The following MIPOL1 variants were observed in gnomAD, a reference collection of about 807,000 sequenced individuals.
MIPOL1 encodes the protein mirror-image polydactyly gene 1 protein.
In MIPOL1, 57 loss-of-function variants were observed where a neutral mutation model predicts 60.9. The observed-to-expected ratio is 0.94, with a 90% CI of 0.76 to 1.17. MIPOL1 has a LOEUF of 1.17. MIPOL1 is among the 50% of genes most tolerant of loss of function. MIPOL1 has a pLI of 0.00. For missense variants in MIPOL1, 551 were observed against 511.6 expected (o/e 1.08, Z -0.74); for synonymous variants, 179 against 168.8 (o/e 1.06, Z -0.47).
At chr14:37,539,053 T>A (rs1031664365) in intron 12 of MIPOL1, among the ~76,000 whole-genome samples, 2 of 151,878 alleles carry the variant, frequency 1.3e-5, no homozygotes, top group African/African-American at 4.8e-5. Context: ...ATACAAAAAA[T>A]TAGCCGGGTG....
intron 7 of MIPOL1, among the ~76,000 whole-genome samples, chr14:37,289,947 G>A (rs2084915550): frequency 6.6e-6 from 1 of 152,172 alleles, no homozygotes; most frequent in African/African-American, 2.4e-5. Context: ...AGGGGTGGAA[G>A]GGTGGAATGA....
chr14:37,225,838 C>G (rs935236231), intron 1 of MIPOL1, among the ~76,000 whole-genome samples: 3 of 152,146 alleles, frequency 2.0e-5, no homozygotes, highest in Non-Finnish European at 4.4e-5. Context: ...TGCTCTGCTT[C>G]CCTTATAAAA....
intron 10 of MIPOL1, among the ~76,000 whole-genome samples, chr14:37,419,265 G>C (rs938123851): frequency 2.0e-5 from 3 of 152,192 alleles, no homozygotes; most frequent in African/African-American, 7.2e-5. Context: ...CATACTGTGT[G>C]ATTCTATTTA....
At chr14:37,293,822 T>G (rs1367257162) in intron 7 of MIPOL1, among the ~76,000 whole-genome samples, 4 of 152,180 alleles carry the variant, frequency 2.6e-5, no homozygotes, top group Non-Finnish European at 4.4e-5. Context: ...AAGCTCGAAC[T>G]GGGTGGGGCC....
chr14:37,418,739 G>C (rs144445466), intron 10 of MIPOL1, among the ~76,000 whole-genome samples: 5 of 152,082 alleles, frequency 3.3e-5, no homozygotes, highest in African/African-American at 1.2e-4. Context: ...CTCATAGGTT[G>C]GTTATGAGAA....
At chr14:37,551,370 CA>C (rs1005338987), downstream of MIPOL1, 3 of 151,630 alleles carry the variant, frequency 2.0e-5, no homozygotes, top group Non-Finnish European at 4.4e-5. Flanking sequence ...AGTAAGGAAA[CA>C]GATTAAGTTC....
intron 10 of MIPOL1, among the ~76,000 whole-genome samples, chr14:37,419,706 C>A (rs899305484): frequency 6.6e-6 from 1 of 151,530 alleles, no homozygotes; most frequent in Non-Finnish European, 1.5e-5. Flanking sequence ...AGGGATGTGA[C>A]TGATGAGTGT....
At chr14:37,280,791 T>G (rs1209781631) in intron 6 of MIPOL1, among the ~76,000 whole-genome samples, 2 of 152,186 alleles carry the variant, frequency 1.3e-5, no homozygotes, top group African/African-American at 2.4e-5. Flanking sequence ...CCCAAATAGC[T>G]GGGATTACAG....
intron 12 of MIPOL1, among the ~76,000 whole-genome samples, chr14:37,520,397 A>G (rs1470220468): frequency 6.6e-6 from 1 of 152,190 alleles, no homozygotes; most frequent in African/African-American, 2.4e-5. Flanking sequence ...ATCTGCCTAA[A>G]GCCCTATGAA....
intron 6 of MIPOL1, among the ~76,000 whole-genome samples, chr14:37,279,612 T>C (rs1166043743): frequency 1.3e-5 from 2 of 151,836 alleles, no homozygotes; most frequent in Non-Finnish European, 2.9e-5. Context: ...GTTTTGAGGG[T>C]TTTTTTGTTT....
intron 12 of MIPOL1, among the ~76,000 whole-genome samples, chr14:37,526,723 A>G (rs1308210274): frequency 6.6e-6 from 1 of 152,012 alleles, no homozygotes; most frequent in Non-Finnish European, 1.5e-5. Flanking sequence ...AGTGCTGTAA[A>G]TGAGCAGTCT....
chr14:37,524,644 T>G (rs2095435940), intron 12 of MIPOL1, among the ~76,000 whole-genome samples: 1 of 141,512 alleles, frequency 7.1e-6, no homozygotes, highest in South Asian at 2.2e-4. Context: ...CTCAGCTCAC[T>G]GCAACCTCTG....
At chr14:37,281,367 T>C (rs2153405313) in intron 6 of MIPOL1, among the ~76,000 whole-genome samples, 1 of 152,278 alleles carries the variant, frequency 6.6e-6, no homozygotes, top group East Asian at 1.9e-4. Context: ...GGTCAGTGTG[T>C]CTTTTTATGA....
chr14:37,224,435 A>T (rs1594571939), intron 1 of MIPOL1, among the ~76,000 whole-genome samples: 1 of 152,190 alleles, frequency 6.6e-6, no homozygotes, highest in South Asian at 2.1e-4. Flanking sequence ...TTCCATGAGG[A>T]TGGAGAGGCC....
chr14:37,487,504 T>C (rs1301588741), intron 11 of MIPOL1, among the ~76,000 whole-genome samples: 2 of 152,198 alleles, frequency 1.3e-5, no homozygotes, highest in African/African-American at 2.4e-5. Context: ...AATTACTGAC[T>C]CAATTTCAGA....
rs1206266466 is a variant in MIPOL1, at chr14:37,551,165, GATT to G, written c.*4199_*4201del. 6 of 151,960 alleles carry G rather than the reference GATT, an allele frequency of 3.9e-5. No homozygotes were observed. The highest frequency in any genetic ancestry group is 8.8e-5 in the Non-Finnish European group (6 of 67,978). 9.4% of individuals were successfully genotyped at this position (151,960 alleles called of 1,614,324 possible). A position where few individuals can be genotyped will look rare whatever the true frequency, so the allele number is the denominator to read the frequency against. ...GAAGCCACCAATTTCTGGACTATCT[GATT>G]ATTAACAAAGATGTATTTTAATGCA... On this transcript the variant is annotated 3_prime_UTR_variant, in exon 13 of 13. Transcript: ENST00000684589.
chr14:37,442,285 G>T (rs2094261577), intron 11 of MIPOL1, among the ~76,000 whole-genome samples: 1 of 152,016 alleles, frequency 6.6e-6, no homozygotes. Flanking sequence ...AGTCTTTAGG[G>T]TATTTTAGGT....
intron 10 of MIPOL1, among the ~76,000 whole-genome samples, chr14:37,416,940 C>T (rs950626476): frequency 2.0e-5 from 3 of 152,164 alleles, no homozygotes; most frequent in Non-Finnish European, 4.4e-5. Context: ...ATTTAATAAT[C>T]ACTTATTAAA....
At chr14:37,542,135 A>G (rs2095532131) in intron 12 of MIPOL1, among the ~76,000 whole-genome samples, 1 of 152,156 alleles carries the variant, frequency 6.6e-6, no homozygotes, top group South Asian at 2.1e-4. Context: ...CTTCCTGCCA[A>G]ATCAAATGGA....
Sources: allele counts gnomAD v4.1 joint callset (sites outside exome capture counted in the v4.1 genomes callset), GRCh38; gene constraint gnomAD v4.1.1; transcripts MANE v1.5; gene names NCBI Gene and HGNC (gene_info 2026-07-23, HGNC 2026-07-21).